Variants in C3 observed in about 807,000 individuals in gnomAD.
C3 encodes the protein C3 and PZP-like alpha-2-macroglobulin domain-containing protein 1.
Under a neutral mutation model 207.9 loss-of-function variants are expected in C3, and 97 were observed. The observed-to-expected ratio is 0.47, with a 90% CI of 0.40 to 0.55. C3 has a LOEUF of 0.55. C3 is among the 20% of genes least tolerant of loss of function. The pLI, the probability that C3 is intolerant of heterozygous loss-of-function variation, is 0.00. For missense variants in C3, 1,684 were observed against 2,171.7 expected, an observed-to-expected ratio of 0.78 and a Z score of 4.46; for synonymous variants, 848 against 857.6, an observed-to-expected ratio of 0.99 and a Z score of 0.20.
intron 13 of C3, among the ~76,000 whole-genome samples, 184 bp from the exon 14 acceptor site, chr19:6,710,026 C>T (rs12982678): frequency 9.2e-5 from 3 of 32,764 alleles, no homozygotes; most frequent in Admixed American, 3.5e-4. Context: ...GGAGAGAGGG[C>T]GGGAGAGAGA....
intron 19 of C3, among the ~76,000 whole-genome samples, 195 bp from the exon 20 acceptor site, chr19:6,697,989 T>TTTTTTATTA (rs951209072): frequency 3.3e-5 from 2 of 61,216 alleles, no homozygotes; most frequent in Non-Finnish European, 6.5e-5. Context: ...GTTACCATTA[T>TTTTTTATTA]TTATTATTAT....
At chr19:6,718,747 AG>A (rs1461982212) in intron 2 of C3, among the ~76,000 whole-genome samples, 27 of 148,480 alleles carry the variant, frequency 1.8e-4, no homozygotes, top group African/African-American at 6.0e-4. Flanking sequence ...ATGGAGACTA[AG>A]AGGGGAGGAG....
chr19:6,711,486 T>C (rs1227504523), intron 11 of C3, among the ~76,000 whole-genome samples: 3 of 152,114 alleles, frequency 2.0e-5, no homozygotes, highest in African/African-American at 7.2e-5. Flanking sequence ...GAAGGGGCCA[T>C]GAGCCAGGCC....
At chr19:6,700,164 A>C (rs1273222742) in intron 19 of C3, among the ~76,000 whole-genome samples, 1 of 142,242 alleles carries the variant, frequency 7.0e-6, no homozygotes, top group Non-Finnish European at 1.5e-5. Context: ...TATAAATTAT[A>C]ATACATATTA....
At chr19:6,699,437 G>A (rs1254274454) in intron 19 of C3, among the ~76,000 whole-genome samples, 2 of 151,974 alleles carry the variant, frequency 1.3e-5, no homozygotes, top group Non-Finnish European at 2.9e-5. Context: ...AGTATTTCCA[G>A]TGAAAACCTA....
intron 24 of C3, 95 bp from the exon 25 acceptor site, chr19:6,693,582 G>A: frequency 1.9e-6 from 2 of 1,067,496 alleles, no homozygotes; most frequent in East Asian, 2.6e-5. Context: ...AGGGGACAGG[G>A]GCTCAGGGTG....
At position 6,710,639 on chromosome 19, in the gene C3, C is replaced by T. The variant is rs143750180; in HGVS notation, c.1686G>A (p.Ser562=). 2.1e-5 allele frequency: 34 copies of T among 1,611,648 alleles called. No individual in the cohort carries two copies. In the African/African-American group the frequency reaches 2.5e-4, roughly 12 times the overall value. Residue 562 remains serine (S), a splice_region_variant and synonymous_variant, in exon 13 of 41, where the codon TCG becomes TCA. Coordinates refer to ENST00000245907, the MANE Select transcript of C3 (RefSeq NM_000064.4). The part of the protein sequence containing the change: ...WVDVKDSCVG[S]LVVKSGQSED... ...GCGAGCGAGCCCAGGGCACACTTAC[C>T]GAGCCCACGCAGGAGTCCTTGACGT...
At chr19:6,687,646 TG>T (rs1672167022) in intron 27 of C3, among the ~76,000 whole-genome samples, 1 of 152,182 alleles carries the variant, frequency 6.6e-6, no homozygotes. Context: ...AATGTAGAGT[TG>T]GGAAGAGCTT....
Position 6,690,634 on chromosome 19 carries a change from C to T in C3, c.3484G>A (p.Val1162Ile), listed in dbSNP as rs1269477104. 4 of 1,613,738 alleles carry T rather than the reference C, an allele frequency of 2.5e-6. No individual in the cohort carries two copies. In the African/African-American group the frequency reaches 5.3e-5, roughly 22 times the overall value. ...QEAKDICEEQVNSLPGSITKA... is the reference protein window; with the variant it reads ...QEAKDICEEQINSLPGSITKA... ...GGAAGATGGAGGGCACTTACGTTGA[C>T]CTGCTCCTCGCAAATATCTTTAGCC... Residue 1162 changes from valine to isoleucine, a missense_variant, in exon 27 of 41, where the codon GTC becomes ATC. Coordinates refer to ENST00000245907, the MANE Select transcript of C3 (RefSeq NM_000064.4).
chr19:6,717,993 C>A, intron 4 of C3, 101 bp downstream of exon 4: 1 of 1,147,374 alleles, frequency 8.7e-7, no homozygotes, highest in Non-Finnish European at 1.3e-6. Context: ...GTGTCTCTGC[C>A]ACTGCACCCC....
intron 23 of C3, among the ~76,000 whole-genome samples, chr19:6,695,831 G>A (rs2145409513): frequency 6.6e-6 from 1 of 152,224 alleles, no homozygotes; most frequent in African/African-American, 2.4e-5. Context: ...ATAAACTGAT[G>A]TATCAGCGAA....
intron 7 of C3, 53 bp from the exon 8 acceptor site, chr19:6,713,562 C>T: frequency 7.3e-7 from 1 of 1,364,226 alleles, no homozygotes; most frequent in Non-Finnish European, 1.0e-6. Flanking sequence ...AGAATGGGAT[C>T]TCCCCCAGCT....
In C3 at chr19:6,690,562, C is replaced by T. The variant is rs577669950; in HGVS notation, c.3489+67G>A. On this transcript the variant is annotated intron_variant, in intron 27 of 40. Transcript: ENST00000245907. ...CAAATTCCCTGAAGGCAACCTCTCA[C>T]TCTCCAAGGTGGCTGTGCTCTGCAT... 169 of 1,281,416 alleles carry T rather than the reference C, an allele frequency of 1.3e-4. No homozygotes were observed. In the East Asian group the frequency reaches 3.6e-3, roughly 27 times the overall value. 79.4% of individuals were successfully genotyped at this position (1,281,416 alleles called of 1,614,324 possible). A position where few individuals can be genotyped will look rare whatever the true frequency, so the allele number is the denominator to read the frequency against.
Position 6,684,417 on chromosome 19 carries a change from C to T in C3, c.4143G>A (p.Lys1381=), listed in dbSNP as rs1451704162. ...TACAGATCTCAAGGATCATAGTGTTCTTGGCATCCTGAGGCCTCTTTTCTA... is the reference window on the plus strand; with the variant it reads ...TACAGATCTCAAGGATCATAGTGTTTTTGGCATCCTGAGGCCTCTTTTCTA... ...PETEKRPQDA[K]NTMILEICTR... is the part of the protein sequence containing the mutation. The change falls in exon 33 of 41, where the codon AAG becomes AAA. Residue 1381 remains lysine, a synonymous_variant. Transcript: ENST00000245907. The T allele has an allele frequency of 2.5e-6, 4 of 1,613,906 alleles. No individual in the cohort carries two copies. The African/African-American group carries it at 4.0e-5, about 16-fold the overall frequency.
chr19:6,678,792 C>T (rs1917785783), intron 38 of C3, among the ~76,000 whole-genome samples: 1 of 152,106 alleles, frequency 6.6e-6, no homozygotes, highest in Non-Finnish European at 1.5e-5. Context: ...CGGAAAACTA[C>T]AGTCATATAC....
At chr19:6,715,619 G>GTTTTTTTTTTTTTTTTTTTT (rs375022094) in intron 4 of C3, among the ~76,000 whole-genome samples, 1 of 71,308 alleles carries the variant, frequency 1.4e-5, no homozygotes. Context: ...TTTTTTTTTT[G>GTTTTTTTTTTTTTTTTTTTT]TTTTTTTTGT....
intron 17 of C3, among the ~76,000 whole-genome samples, chr19:6,705,970 G>A (rs992415724): frequency 2.6e-5 from 4 of 152,062 alleles, no homozygotes; most frequent in Admixed American, 2.6e-4. Flanking sequence ...CACCATGCCC[G>A]GCCAATTTTC....
rs749062664 is a variant in C3 at position 6,711,056 on chromosome 19, G to A, written c.1410C>T (p.Thr470=). The stretch of plus-strand genomic sequence containing the variant: ...TTCGCAGGAGGAAGTTGACGTTGAG[G>A]GTCTCCCCGGGTCTGAGCTCTGTAC... ...VLRTELRPGE[T]LNVNFLLRMD... is the part of the protein sequence containing the mutation. Residue 470 remains threonine (T), a synonymous_variant, in exon 12 of 41, where the codon ACC becomes ACT. Transcript: ENST00000245907. 1 of 1,614,148 alleles carries A rather than the reference G, an allele frequency of 6.2e-7. No homozygotes were observed.
chr19:6,720,413 A>G (rs1420613890), intron 1 of C3, 103 bp downstream of exon 1: 9 of 842,716 alleles, frequency 1.1e-5, no homozygotes, highest in African/African-American at 5.0e-5. Context: ...CTGAATCCAC[A>G]AACACCCAAA....
Sources: allele counts gnomAD v4.1 joint callset (sites outside exome capture counted in the v4.1 genomes callset), GRCh38; gene constraint gnomAD v4.1.1; transcripts MANE v1.5; gene names NCBI Gene and HGNC (gene_info 2026-07-23, HGNC 2026-07-21).